Variants in PPP1R12B observed in about 807,000 individuals in gnomAD.
The protein encoded by PPP1R12B is myosin phosphatase target subunit 2.
Under a neutral mutation model 126.1 loss-of-function variants are expected in PPP1R12B, and 76 were observed. The observed-to-expected ratio is 0.60, with a 90% CI of 0.50 to 0.73. The LOEUF is 0.73. Among genes scored for constraint, PPP1R12B ranks in the 30% least tolerant of loss-of-function variants. The pLI is 0.00. For synonymous variants in PPP1R12B, 356 were observed against 434.7 expected (o/e 0.82, Z 2.25); for missense variants, 1,052 against 1,205.1 (o/e 0.87, Z 1.88).
intron 19 of PPP1R12B, 79 bp from the exon 20 acceptor site, chr1:202,562,699 A>T: frequency 6.8e-7 from 1 of 1,471,942 alleles, no homozygotes; most frequent in Non-Finnish European, 9.5e-7. Flanking sequence ...GAAAAGGCGC[A>T]AACTACCCCT....
chr1:202,512,768 C>A (rs1681679220), intron 18 of PPP1R12B, among the ~76,000 whole-genome samples: 1 of 152,140 alleles, frequency 6.6e-6, no homozygotes, highest in Non-Finnish European at 1.5e-5. Flanking sequence ...CTAGAATTCT[C>A]TTCCTCTTAC....
chr1:202,532,901 C>T (rs1425103047), intron 18 of PPP1R12B, among the ~76,000 whole-genome samples: 1 of 116,722 alleles, frequency 8.6e-6, no homozygotes, highest in Non-Finnish European at 1.7e-5. Flanking sequence ...TGGAGTTTCA[C>T]TCATGTTGCC....
intron 13 of PPP1R12B, among the ~76,000 whole-genome samples, chr1:202,477,986 AG>A (rs1676883736): frequency 6.6e-6 from 1 of 152,208 alleles, no homozygotes; most frequent in Non-Finnish European, 1.5e-5. Context: ...GCGAGGGGAT[AG>A]ATGAGAAGCC....
At position 202,378,850 on chromosome 1, in the gene PPP1R12B, G is replaced by A. The variant is rs550364434; in HGVS notation, c.291+29708G>A. 4.6e-5 allele frequency among the ~76,000 whole-genome samples: 7 copies of A among 152,218 alleles called. No individual in the cohort carries two copies. In the East Asian group the frequency reaches 9.7e-4, roughly 21 times the overall value. Reference sequence around the variant, plus strand: ...ACTTGATCTCCATATGAATTAAAACGCTTATTCTTTGGCTTCCAAAACAAT... The same window carrying A: ...ACTTGATCTCCATATGAATTAAAACACTTATTCTTTGGCTTCCAAAACAAT... On this transcript the variant is annotated intron_variant, in intron 1 of 23. Coordinates refer to ENST00000608999, the MANE Select transcript of PPP1R12B (RefSeq NM_002481.4).
intron 1 of PPP1R12B, among the ~76,000 whole-genome samples, chr1:202,378,636 C>G (rs150153188): frequency 2.6e-5 from 4 of 151,976 alleles, no homozygotes; most frequent in African/African-American, 9.7e-5. Context: ...TGTGCCACCA[C>G]GCCCGGCTAA....
Position 202,580,661 on chromosome 1 carries a change from G to C in PPP1R12B, c.*101G>C, listed in dbSNP as rs1434227477. The stretch of plus-strand genomic sequence containing the variant: ...CCAACCAAAAGAAATGGATGTTTTG[G>C]TGGAAGGACACTTCTTTCTATCACC... On this transcript the variant is annotated 3_prime_UTR_variant, in exon 24 of 24. Transcript: ENST00000608999. 1.0e-6 allele frequency: 1 copy of C among 957,724 alleles called. No individual in the cohort carries two copies. Among genetic ancestry groups the C allele is most frequent in the African/African-American group, 1.6e-5 (1 of 61,552 alleles). The allele number at this position is 957,724 out of a possible 1,614,324, so 59.3% of individuals were successfully genotyped here.
intron 18 of PPP1R12B, among the ~76,000 whole-genome samples, chr1:202,528,751 T>C (rs1455548025): frequency 6.6e-6 from 1 of 152,160 alleles, no homozygotes; most frequent in East Asian, 1.9e-4. Flanking sequence ...GTTTTTGTTT[T>C]TTTTTACATA....
At chr1:202,434,574 T>C in intron 8 of PPP1R12B, 82 bp from the exon 9 acceptor site, 1 of 1,513,360 alleles carries the variant, frequency 6.6e-7, no homozygotes, top group East Asian at 2.3e-5. Flanking sequence ...GGGCAAATCT[T>C]TTCTATTAGC....
At chr1:202,572,095 A>G (rs879300849) in intron 23 of PPP1R12B, among the ~76,000 whole-genome samples, 14 of 152,318 alleles carry the variant, frequency 9.2e-5, no homozygotes, top group Admixed American at 9.2e-4. Context: ...TTAGCTCTCA[A>G]GCTCTTCATT....
intron 5 of PPP1R12B, 42 bp from the exon 6 acceptor site, chr1:202,428,813 C>T: frequency 1.9e-6 from 3 of 1,560,432 alleles, no homozygotes; most frequent in Non-Finnish European, 2.6e-6. Flanking sequence ...GTAATTGCTG[C>T]TTCTGTTTTC....
At chr1:202,547,358 G>T (rs1438812246) in intron 18 of PPP1R12B, among the ~76,000 whole-genome samples, 1 of 152,144 alleles carries the variant, frequency 6.6e-6, no homozygotes, top group Non-Finnish European at 1.5e-5. Flanking sequence ...TTATCATGCA[G>T]TGAGTGATGG....
In PPP1R12B at chr1:202,437,839, AAC is replaced by A; in HGVS notation, c.1275_1276del (p.Asn425LysfsTer8). The part of the protein sequence containing the change: ...SARRFSSGLF[N>X]KPEEPKDESP... ...CTCATAGTTCTCTTCTGGCCTTTTT[AAC>A]AAGCCAGAAGAGCCCAAAGATGAAT... is the stretch of plus-strand genomic sequence containing the variant. On this transcript the variant is annotated frameshift_variant, in exon 10 of 24. Coordinates refer to ENST00000608999, the MANE Select transcript of PPP1R12B (RefSeq NM_002481.4). LOFTEE classifies it high-confidence loss of function. 6.2e-7 allele frequency: 1 copy of A among 1,611,950 alleles called. No homozygotes were observed. Among genetic ancestry groups the A allele is most frequent in the Non-Finnish European group, 8.5e-7 (1 of 1,178,842 alleles).
chr1:202,492,966 T>C, intron 14 of PPP1R12B, 148 bp from the exon 15 acceptor site: 1 of 731,542 alleles, frequency 1.4e-6, no homozygotes, highest in Non-Finnish European at 2.3e-6. Flanking sequence ...TTTAAGCATA[T>C]ATTGCTTGAA....
chr1:202,378,805 C>T (rs1350265303), intron 1 of PPP1R12B, among the ~76,000 whole-genome samples: 3 of 152,138 alleles, frequency 2.0e-5, no homozygotes, highest in Admixed American at 2.0e-4. Flanking sequence ...CCTTTTGGAG[C>T]ATTTTATAAC....
chr1:202,544,426 A>AT (rs1293508343), intron 18 of PPP1R12B, among the ~76,000 whole-genome samples: 1 of 152,094 alleles, frequency 6.6e-6, no homozygotes, highest in East Asian at 1.9e-4. Flanking sequence ...GTATTCTCAA[A>AT]TTTTTCTTAT....
At chr1:202,482,958 A>G (rs925816921) in intron 13 of PPP1R12B, among the ~76,000 whole-genome samples, 3 of 152,226 alleles carry the variant, frequency 2.0e-5, no homozygotes, top group African/African-American at 7.2e-5. Context: ...ATTCTTCTGC[A>G]TGTGGATGTC....
rs1483780245 is a variant in PPP1R12B at position 202,392,405 on chromosome 1, A to G, written c.292-24382A>G. On this transcript the variant is annotated intron_variant, in intron 1 of 23. Coordinates refer to ENST00000608999, the MANE Select transcript of PPP1R12B (RefSeq NM_002481.4). ...CGTATTATATGATTCTATTTATTTG[A>G]AAGTCCAGAATAGGGAAATCTCTGG... Among the ~76,000 whole-genome samples the G allele has an allele frequency of 5.9e-5, 9 of 152,308 alleles. No individual in the cohort carries two copies. In the South Asian group the frequency reaches 1.2e-3, roughly 21 times the overall value.
chr1:202,580,030 G>A (rs1457456409), intron 23 of PPP1R12B, among the ~76,000 whole-genome samples: 2 of 152,196 alleles, frequency 1.3e-5, no homozygotes, highest in Non-Finnish European at 2.9e-5. Context: ...ATGTGAAGCA[G>A]TATCCTCCTT....
intron 10 of PPP1R12B, 129 bp from the exon 11 acceptor site, chr1:202,440,577 A>G: frequency 3.2e-6 from 2 of 631,214 alleles, no homozygotes; most frequent in Admixed American, 6.6e-5. Context: ...ATACCACTCA[A>G]AATAGAATTA....
Sources: gnomAD v4.1 joint callset for allele counts (sites outside exome capture counted in the v4.1 genomes callset) on GRCh38, gnomAD v4.1.1 for gene constraint, MANE v1.5 for transcripts, NCBI Gene and HGNC (gene_info 2026-07-23, HGNC 2026-07-21) for gene names.